The following ELF1 variants were observed in gnomAD, a reference collection of about 807,000 sequenced individuals.
ELF1 encodes the protein ETS-related transcription factor Elf-1.
In ELF1, 24 loss-of-function variants were observed where a neutral mutation model predicts 59.9. The observed-to-expected ratio is 0.40, with a 90% CI of 0.29 to 0.56. ELF1 has a LOEUF of 0.56. Among genes scored for constraint, ELF1 ranks in the 20% least tolerant of loss-of-function variants. The probability of loss-of-function intolerance (pLI) is 0.44; values close to 1 mark genes in which losing one functional copy is unlikely to be tolerated. For synonymous variants in ELF1, 248 were observed against 266.2 expected (o/e 0.93, Z 0.67); for missense variants, 627 against 742.2 (o/e 0.84, Z 1.80).
intron 1 of ELF1, among the ~76,000 whole-genome samples, chr13:41,048,078 G>C (rs139485965): frequency 7.2e-5 from 11 of 152,198 alleles, no homozygotes; most frequent in Non-Finnish European, 1.6e-4. Flanking sequence ...CTCCAAGCCA[G>C]GTACAGGATA....
At chr13:41,004,625 C>G (rs951853296) in intron 1 of ELF1, among the ~76,000 whole-genome samples, 1 of 152,000 alleles carries the variant, frequency 6.6e-6, no homozygotes, top group East Asian at 1.9e-4. Context: ...CTACAAAATG[C>G]TTTGAAAGTT....
At chr13:41,044,256 A>AT (rs1876747464) in intron 1 of ELF1, among the ~76,000 whole-genome samples, 1 of 152,154 alleles carries the variant, frequency 6.6e-6, no homozygotes, top group Non-Finnish European at 1.5e-5. Flanking sequence ...GGCCAATTTG[A>AT]TTTCCTCTTT....
At chr13:41,005,119 C>G (rs1745267870) in intron 1 of ELF1, among the ~76,000 whole-genome samples, 1 of 151,864 alleles carries the variant, frequency 6.6e-6, no homozygotes, top group Non-Finnish European at 1.5e-5. Flanking sequence ...ATAAATAGTC[C>G]AATAGTTTGT....
chr13:40,982,496 T>C (rs536116943), intron 1 of ELF1, among the ~76,000 whole-genome samples: 1 of 150,710 alleles, frequency 6.6e-6, no homozygotes, highest in Non-Finnish European at 1.5e-5. Flanking sequence ...CTACTGAAAA[T>C]TATGCCTCTC....
chr13:40,967,534 G>A lies in ELF1; in HGVS notation c.73-8518C>T, dbSNP rs1026326780. ...ATTAAAGCCCTTCAATATTTGATAC[G>A]GATAGAAATAAACACTCTCAAAAAC... On this transcript the variant is annotated intron_variant, in intron 2 of 8. Transcript: ENST00000239882. Among the ~76,000 whole-genome samples, 4 of 152,114 alleles carry A rather than the reference G, an allele frequency of 2.6e-5. No homozygotes were observed. In the South Asian group the frequency reaches 6.2e-4, roughly 24 times the overall value.
In ELF1 at chr13:40,933,837, T is replaced by G. The variant is rs1465800722; in HGVS notation, c.1448A>C (p.Asn483Thr). The G allele has an allele frequency of 6.2e-7, 1 of 1,614,132 alleles. No homozygotes were observed. Among genetic ancestry groups the G allele is most frequent in the Non-Finnish European group, 8.5e-7 (1 of 1,180,046 alleles). ...SSQPMTVLKE[N>T]VMLQSQKAGS... Reference sequence around the variant, plus strand: ...CGCCTTTTGTGACTGCAGCATGACATTTTCTTTCAGTACTGTCATGGGCTG... The same window carrying G: ...CGCCTTTTGTGACTGCAGCATGACAGTTTCTTTCAGTACTGTCATGGGCTG... The change falls in exon 9 of 9, where the codon AAT becomes ACT. Residue 483 changes from asparagine (N) to threonine (T), a missense_variant. By Grantham distance (65) the Asn-to-Thr change is moderately conservative. This residue lies in a region of ELF1 where 361 missense variants were observed against 396.1 expected (regional missense o/e 0.91). Coordinates refer to ENST00000239882, the MANE Select transcript of ELF1 (RefSeq NM_172373.4).
At chr13:41,001,758 G>A (rs982916676) in intron 1 of ELF1, among the ~76,000 whole-genome samples, 2 of 152,100 alleles carry the variant, frequency 1.3e-5, no homozygotes, top group African/African-American at 2.4e-5. Flanking sequence ...ATAGCAGGGG[G>A]CTGAAGCAGG....
intron 8 of ELF1, among the ~76,000 whole-genome samples, chr13:40,936,330 T>G (rs1237223047): frequency 6.6e-6 from 1 of 152,202 alleles, no homozygotes; most frequent in Non-Finnish European, 1.5e-5. Context: ...AACTCTCTAA[T>G]ATATGCCTCT....
chr13:40,991,469 G>A (rs1388186733), intron 1 of ELF1, among the ~76,000 whole-genome samples: 1 of 151,964 alleles, frequency 6.6e-6, no homozygotes, highest in Non-Finnish European at 1.5e-5. Flanking sequence ...TAGAGTCAGG[G>A]TCTCACTTTG....
At chr13:41,018,526 A>C (rs984946185) in intron 1 of ELF1, among the ~76,000 whole-genome samples, 27 of 152,110 alleles carry the variant, frequency 1.8e-4, no homozygotes, top group Non-Finnish European at 3.1e-4. Flanking sequence ...ATAAAACTTC[A>C]TTTTTTTCTA....
intron 1 of ELF1, among the ~76,000 whole-genome samples, chr13:41,012,169 T>C (rs1406431564): frequency 6.6e-6 from 1 of 151,726 alleles, no homozygotes; most frequent in Non-Finnish European, 1.5e-5. Flanking sequence ...ATAAATTAGC[T>C]AGGCGCCATG....
At chr13:41,058,905 G>A (rs150121440) in intron 1 of ELF1, among the ~76,000 whole-genome samples, 5,413 of 152,278 alleles carry the variant, frequency 0.036, 237 homozygotes, top group East Asian at 0.2. Context: ...TCCGGGAGGC[G>A]GAGGTTGCAG....
At chr13:40,934,310 C>G (rs1313169108) in intron 8 of ELF1, among the ~76,000 whole-genome samples, 1 of 151,002 alleles carries the variant, frequency 6.6e-6, no homozygotes, top group African/African-American at 2.4e-5. Flanking sequence ...AAATGAGGAG[C>G]TAATTTTGTT....
At chr13:40,969,530 TG>T (rs1465480854) in intron 2 of ELF1, among the ~76,000 whole-genome samples, 1 of 152,240 alleles carries the variant, frequency 6.6e-6, no homozygotes, top group Non-Finnish European at 1.5e-5. Flanking sequence ...GTGCAGGGCC[TG>T]GCAAGGGTAA....
At chr13:41,032,581 C>T (rs1369886481) in intron 1 of ELF1, among the ~76,000 whole-genome samples, 2 of 151,824 alleles carry the variant, frequency 1.3e-5, no homozygotes, top group East Asian at 3.9e-4. Context: ...AAAACAGGGC[C>T]GGGCACAGTG....
chr13:41,054,109 A>G (rs1877203290), intron 1 of ELF1, among the ~76,000 whole-genome samples: 2 of 152,230 alleles, frequency 1.3e-5, no homozygotes. Flanking sequence ...CAACAGGCCT[A>G]CATGCCACAA....
At chr13:41,061,377 G>A in exon 1 of ELF1, 1 of 524,346 alleles carries the variant, frequency 1.9e-6, no homozygotes, top group South Asian at 2.2e-5. Context: ...AGGTCCCGTC[G>A]CGCTTTTACC....
intron 2 of ELF1, among the ~76,000 whole-genome samples, chr13:40,969,214 G>A (rs539020021): frequency 3.9e-5 from 6 of 151,984 alleles, no homozygotes; most frequent in Non-Finnish European, 7.4e-5. Flanking sequence ...GTAAAAAATC[G>A]CACTAATCCT....
At chr13:41,055,395 G>C (rs1367890769) in intron 1 of ELF1, among the ~76,000 whole-genome samples, 3 of 150,418 alleles carry the variant, frequency 2.0e-5, no homozygotes, top group Non-Finnish European at 2.9e-5. Context: ...CCCCATCCCT[G>C]TCTCTACCAG....
Sources: gnomAD v4.1 joint callset for allele counts (sites outside exome capture counted in the v4.1 genomes callset) on GRCh38, gnomAD v4.1.1 for gene constraint, gnomAD v4.1.1 regional missense constraint, MANE v1.5 for transcripts, NCBI Gene and HGNC (gene_info 2026-07-23, HGNC 2026-07-21) for gene names.